CADPS2: variants seen among roughly 807,000 people sequenced by gnomAD.
CADPS2 encodes calcium-dependent secretion activator 2.
In CADPS2, 93 loss-of-function variants were observed where a neutral mutation model predicts 172.5. The ratio of observed to expected loss-of-function variants is 0.54; its 90% CI spans 0.46 to 0.64. CADPS2 has a LOEUF of 0.64. Among genes scored for constraint, CADPS2 ranks in the 30% least tolerant of loss-of-function variants. The pLI is 0.00. For synonymous variants in CADPS2, 546 were observed against 555.2 expected, an observed-to-expected ratio of 0.98 and a Z score of 0.23; for missense variants, 1,420 against 1,565.9, an observed-to-expected ratio of 0.91 and a Z score of 1.57.
At chr7:122,689,742 A>G (rs145444617) in intron 2 of CADPS2, among the ~76,000 whole-genome samples, 50 of 152,248 alleles carry the variant, frequency 3.3e-4, no homozygotes, top group African/African-American at 1.2e-3. Context: ...TTATTCCACA[A>G]CACCCTTGGT....
intron 17 of CADPS2, among the ~76,000 whole-genome samples, chr7:122,429,900 C>T (rs201627596): frequency 3.3e-5 from 5 of 151,700 alleles, no homozygotes; most frequent in East Asian, 3.9e-4. Flanking sequence ...TTAATAAACA[C>T]GTGGCCTCTA....
At chr7:122,635,210 G>C (rs1475299912) in intron 3 of CADPS2, among the ~76,000 whole-genome samples, 2 of 152,010 alleles carry the variant, frequency 1.3e-5, no homozygotes, top group Non-Finnish European at 2.9e-5. Context: ...ATAGTTTTCT[G>C]CCTGGATGAT....
intron 2 of CADPS2, among the ~76,000 whole-genome samples, chr7:122,721,567 A>C (rs1404963323): frequency 6.6e-6 from 1 of 152,166 alleles, no homozygotes; most frequent in East Asian, 1.9e-4. Flanking sequence ...AACCAAAAAA[A>C]GTCCAGGACC....
intron 28 of CADPS2, among the ~76,000 whole-genome samples, chr7:122,329,087 T>C (rs2034457937): frequency 6.6e-6 from 1 of 152,196 alleles, no homozygotes; most frequent in Non-Finnish European, 1.5e-5. Flanking sequence ...GCTCCCTCAG[T>C]GCCAGGAGTT....
rs192405718 is a variant in CADPS2, at chr7:122,577,603, T to A, written c.1335+3576A>T. On this transcript the variant is annotated intron_variant, in intron 7 of 29. Coordinates refer to ENST00000449022, the MANE Select transcript of CADPS2 (RefSeq NM_017954.11). Reference sequence around the variant, plus strand: ...GCTTCCAAGTTTTAGTGATTAAGAATAAAGCTGTTTAAACATTCACACACA... The same window carrying A: ...GCTTCCAAGTTTTAGTGATTAAGAAAAAAGCTGTTTAAACATTCACACACA... 2.6e-3 allele frequency among the ~76,000 whole-genome samples: 390 copies of A among 152,298 alleles called. 8 individuals are homozygous for A. Among genetic ancestry groups the A allele is most frequent in the Admixed American group, 0.016 (238 of 15,292 alleles).
intron 1 of CADPS2, among the ~76,000 whole-genome samples, chr7:122,841,017 T>C (rs1810331673): frequency 6.6e-6 from 1 of 152,180 alleles, no homozygotes; most frequent in African/African-American, 2.4e-5. Flanking sequence ...AAAACTGTTT[T>C]ACAATACTGT....
chr7:122,509,588 T>C (rs2059872368), intron 9 of CADPS2, among the ~76,000 whole-genome samples: 1 of 152,168 alleles, frequency 6.6e-6, no homozygotes, highest in African/African-American at 2.4e-5. Context: ...CTTCATGAAA[T>C]GAATGATCCA....
intron 3 of CADPS2, among the ~76,000 whole-genome samples, chr7:122,637,114 C>G (rs771362907): frequency 4.8e-5 from 7 of 145,564 alleles, no homozygotes; most frequent in Middle Eastern, 3.8e-3. Flanking sequence ...CTCTGAAATT[C>G]CTTCCTCAGT....
chr7:122,637,169 TGC>T (rs1258661327), intron 3 of CADPS2, among the ~76,000 whole-genome samples: 1 of 124,746 alleles, frequency 8.0e-6, no homozygotes, highest in African/African-American at 3.0e-5. Context: ...TATGAAATTT[TGC>T]TTTTTTTTTT....
At chr7:122,553,015 A>G (rs1470089442) in intron 8 of CADPS2, among the ~76,000 whole-genome samples, 1 of 152,054 alleles carries the variant, frequency 6.6e-6, no homozygotes, top group Non-Finnish European at 1.5e-5. Context: ...GCCTTTGTAC[A>G]TGCTGTCATG....
intron 6 of CADPS2, among the ~76,000 whole-genome samples, chr7:122,608,711 T>G (rs577893152): frequency 6.6e-6 from 1 of 152,190 alleles, no homozygotes; most frequent in South Asian, 2.1e-4. Context: ...CAAATGCTTT[T>G]AATAAAACAG....
rs138708037 is a variant in CADPS2, at chr7:122,482,063, G to A, written c.1853-1203C>T. Among the ~76,000 whole-genome samples, 703 of 152,242 alleles carry A rather than the reference G, an allele frequency of 4.6e-3. 8 individuals carry two copies. The highest frequency in any genetic ancestry group is 0.013 in the African/African-American group (533 of 41,524). On this transcript the variant is annotated intron_variant, in intron 11 of 29. Coordinates refer to ENST00000449022, the MANE Select transcript of CADPS2 (RefSeq NM_017954.11). ...TGTATTATTCAGCCACAGTCTTAAA[G>A]TTCTATGCTAGTGGTTCCTACCTGC...
intron 2 of CADPS2, among the ~76,000 whole-genome samples, chr7:122,732,369 A>G (rs2137566777): frequency 6.6e-6 from 1 of 151,432 alleles, no homozygotes; most frequent in South Asian, 2.1e-4. Context: ...TTGTCTATAG[A>G]CTATATAGAC....
intron 2 of CADPS2, among the ~76,000 whole-genome samples, chr7:122,673,580 G>C (rs2082086469): frequency 6.6e-6 from 1 of 151,986 alleles, no homozygotes; most frequent in African/African-American, 2.4e-5. Flanking sequence ...CCTCCAGCTA[G>C]ACATAAAAGT....
chr7:122,722,396 T>C (rs376022213), intron 2 of CADPS2, among the ~76,000 whole-genome samples: 1 of 148,952 alleles, frequency 6.7e-6, no homozygotes, highest in Admixed American at 6.6e-5. Context: ...TCTACACCAA[T>C]AACAGACAAA....
chr7:122,481,847 C>T (rs1239326322), intron 11 of CADPS2, among the ~76,000 whole-genome samples: 2 of 152,066 alleles, frequency 1.3e-5, no homozygotes, highest in African/African-American at 2.4e-5. Flanking sequence ...TCTGTCTCTA[C>T]TAAAAATACA....
At chr7:122,711,054 A>G (rs539245416) in intron 2 of CADPS2, among the ~76,000 whole-genome samples, 1 of 152,126 alleles carries the variant, frequency 6.6e-6, no homozygotes, top group African/African-American at 2.4e-5. Flanking sequence ...TTTTTTAAAG[A>G]AAGAGAACAG....
chr7:122,498,313 C>T lies in CADPS2; in HGVS notation c.1543-6893G>A, dbSNP rs189506352. ...AATCTTTGTCATTTTGCACTTTCAT[C>T]ATGAAATTTCTAGGAGTTAAAGAGT... is the stretch of plus-strand genomic sequence containing the variant. On this transcript the variant is annotated intron_variant, in intron 9 of 29. Transcript: ENST00000449022. 2.5e-3 allele frequency among the ~76,000 whole-genome samples: 384 copies of T among 152,246 alleles called. 3 individuals are homozygous for T. The highest frequency in any genetic ancestry group is 8.9e-3 in the African/African-American group (370 of 41,552).
intron 1 of CADPS2, among the ~76,000 whole-genome samples, chr7:122,878,296 A>G (rs1349213583): frequency 6.7e-6 from 1 of 149,216 alleles, no homozygotes; most frequent in Non-Finnish European, 1.5e-5. Flanking sequence ...GGGAAAGACG[A>G]ATGATACAAG....
Sources: allele counts gnomAD v4.1 joint callset (sites outside exome capture counted in the v4.1 genomes callset), GRCh38; gene constraint gnomAD v4.1.1; transcripts MANE v1.5; gene names NCBI Gene and HGNC (gene_info 2026-07-23, HGNC 2026-07-21).